Variants in EMILIN2 observed in about 807,000 individuals in gnomAD.
EMILIN2 encodes the protein EMILIN-2.
Under a neutral mutation model 87.1 loss-of-function variants are expected in EMILIN2, and 71 were observed. The ratio of observed to expected loss-of-function variants is 0.82; its 90% CI spans 0.67 to 0.99. The LOEUF (loss-of-function observed/expected upper bound fraction) is 0.99, where lower values mean the gene tolerates loss of function less well. Among genes scored for constraint, EMILIN2 ranks in the 50% least tolerant of loss-of-function variants. The probability of loss-of-function intolerance (pLI) is 0.00; values close to 1 mark genes in which losing one functional copy is unlikely to be tolerated. For missense variants in EMILIN2, 1,407 were observed against 1,371.8 expected, an observed-to-expected ratio of 1.03 and a Z score of -0.40; for synonymous variants, 581 against 563.4, an observed-to-expected ratio of 1.03 and a Z score of -0.44.
chr18:2,858,856 G>C (rs4798036), intron 2 of EMILIN2, among the ~76,000 whole-genome samples: 1 of 151,056 alleles, frequency 6.6e-6, no homozygotes, highest in South Asian at 2.1e-4. Context: ...GGCTGGTCTC[G>C]AACTCCTGAC....
chr18:2,888,714 C>CAA (rs530260960), intron 3 of EMILIN2, among the ~76,000 whole-genome samples: 11,525 of 80,780 alleles, frequency 0.14, 531 homozygotes, highest in South Asian at 0.29. Context: ...GATTCTGTCT[C>CAA]AAAAAAAAAA....
Position 2,906,900 on chromosome 18 carries a change from T to A in EMILIN2, c.2477T>A (p.Leu826Gln). The A allele has an allele frequency of 7.2e-7, 1 of 1,393,020 alleles. No individual in the cohort carries two copies. Among genetic ancestry groups the A allele is most frequent in the Non-Finnish European group, 9.3e-7 (1 of 1,071,366 alleles). 86.3% of individuals were successfully genotyped at this position (1,393,020 alleles called of 1,614,324 possible). A position where few individuals can be genotyped will look rare whatever the true frequency, so the allele number is the denominator to read the frequency against. ...GAGGACCCTGGGCGACGGCCCGTCC[T>A]GCCCCAGCGGCCCCCCGAGGAGAGG... ...TAEDPGRRPV[L>Q]PQRPPEERPP... Residue 826 changes from leucine (L) to glutamine (Q), a missense_variant, in exon 5 of 8, where the codon CTG (leucine) becomes CAG (glutamine). By Grantham distance (113) the Leu-to-Gln change is moderately radical (BLOSUM62 -2). Transcript: ENST00000254528.
intron 2 of EMILIN2, among the ~76,000 whole-genome samples, chr18:2,879,468 G>A (rs1473164682): frequency 6.6e-6 from 1 of 152,088 alleles, no homozygotes; most frequent in Non-Finnish European, 1.5e-5. Flanking sequence ...AGACCAGCCT[G>A]ACCAACATGG....
chr18:2,906,770 C>T lies in EMILIN2; in HGVS notation c.2360-13C>T, dbSNP rs1166217065. On this transcript the variant is annotated splice_polypyrimidine_tract_variant and intron_variant, in intron 4 of 7. Transcript: ENST00000254528. ...CTAATCCCGTGTGTTTCTTTCTCCC[C>T]GACGCCCGGCAGAGGCGCCCTCGCC... 1.6e-6 allele frequency: 2 copies of T among 1,255,390 alleles called. No homozygotes were observed. The highest frequency in any genetic ancestry group is 3.3e-5 in the East Asian group (1 of 30,316). 77.8% of individuals were successfully genotyped at this position (1,255,390 alleles called of 1,614,324 possible). A position where few individuals can be genotyped will look rare whatever the true frequency, so the allele number is the denominator to read the frequency against.
intron 4 of EMILIN2, among the ~76,000 whole-genome samples, chr18:2,904,575 T>C (rs2076901226): frequency 6.6e-6 from 1 of 152,260 alleles, no homozygotes; most frequent in Non-Finnish European, 1.5e-5. Context: ...GCCTTTTTAA[T>C]CAGCAAAGGC....
chr18:2,891,031 C>G lies in EMILIN2; in HGVS notation c.904C>G (p.Gln302Glu), dbSNP rs1209334907. The change falls in exon 4 of 8, where the codon CAG becomes GAG. Residue 302 changes from glutamine (Q) to glutamate (E), a missense_variant. Transcript: ENST00000254528. This position sits in a 1 kb window ranked among gnomAD's most constrained non-coding sequence, Gnocchi z 4.6. ...GCTCAGACAGCTCCAGGAAGCAGCTCAGGGCCCGACGGTGACCATGACAAC... is the reference window on the plus strand; with the variant it reads ...GCTCAGACAGCTCCAGGAAGCAGCTGAGGGCCCGACGGTGACCATGACAAC... ...GQLRQLQEAA[Q>E]GPTVTMTTNE... The G allele has an allele frequency of 6.2e-7, 1 of 1,614,216 alleles. No individual in the cohort carries two copies. Among genetic ancestry groups the G allele is most frequent in the Non-Finnish European group, 8.5e-7 (1 of 1,180,040 alleles).
rs573248622 is a variant in EMILIN2 at position 2,890,441 on chromosome 18, G to C, written c.434-120G>C. 3 of 1,212,182 alleles carry C rather than the reference G, an allele frequency of 2.5e-6. No homozygotes were observed. The highest frequency in any genetic ancestry group is 3.4e-6 in the Non-Finnish European group (3 of 873,530). The allele number at this position is 1,212,182 out of a possible 1,614,324, so 75.1% of individuals were successfully genotyped here. ...TGTACCACAGTACTTACCTACAATTGTGTAGTGACCTGTAAGTGAAGATGT... is the reference window on the plus strand; with the variant it reads ...TGTACCACAGTACTTACCTACAATTCTGTAGTGACCTGTAAGTGAAGATGT... On this transcript the variant is annotated intron_variant, in intron 3 of 7. Transcript: ENST00000254528. The surrounding 1 kb of genome is among the most constrained non-coding windows in gnomAD (Gnocchi z 4.7).
chr18:2,909,134 C>T (rs558769627), intron 6 of EMILIN2, among the ~76,000 whole-genome samples, 159 bp downstream of exon 6: 1 of 152,260 alleles, frequency 6.6e-6, no homozygotes, highest in African/African-American at 2.4e-5. Flanking sequence ...CCTCTGCTGA[C>T]TATAGTGGAC....
chr18:2,903,381 T>A (rs2076896778), intron 4 of EMILIN2, among the ~76,000 whole-genome samples: 1 of 152,158 alleles, frequency 6.6e-6, no homozygotes, highest in Non-Finnish European at 1.5e-5. Context: ...AAAATAACAC[T>A]AAGAAGCTCA....
chr18:2,893,580 C>T (rs1206420491), intron 4 of EMILIN2, among the ~76,000 whole-genome samples: 2 of 152,124 alleles, frequency 1.3e-5, no homozygotes, highest in Admixed American at 6.5e-5. Context: ...GGGTGCTAAA[C>T]GCAGCCTTCT....
At position 2,848,604 on chromosome 18, in the gene EMILIN2, A is replaced by C. The variant is rs1205095400; in HGVS notation, c.257+673A>C. Among the ~76,000 whole-genome samples, 5 of 152,026 alleles carry C rather than the reference A, an allele frequency of 3.3e-5. No individual in the cohort carries two copies. Among genetic ancestry groups the C allele is most frequent in the South Asian group, 2.1e-4 (1 of 4,796 alleles). On this transcript the variant is annotated intron_variant, in intron 2 of 7. Coordinates refer to ENST00000254528, the MANE Select transcript of EMILIN2 (RefSeq NM_032048.3). The surrounding 1 kb of genome is among the most constrained non-coding windows in gnomAD (Gnocchi z 4.1). ...AGATTTCCCCATCTTAAAAAAAAAA[A>C]AAAACAGGAAGCAATGCAATAAAGT...
At chr18:2,883,499 G>A (rs2076787646) in intron 2 of EMILIN2, among the ~76,000 whole-genome samples, 1 of 152,206 alleles carries the variant, frequency 6.6e-6, no homozygotes, top group South Asian at 2.1e-4. Context: ...GAGATGATTT[G>A]CAAGGCAGGA....
chr18:2,912,979 C>A, intron 7 of EMILIN2, 88 bp from the exon 8 acceptor site: 3 of 1,399,358 alleles, frequency 2.1e-6, no homozygotes, highest in Non-Finnish European at 2.0e-6. Flanking sequence ...TCTCCCAGGC[C>A]CAGGTTAATC....
Position 2,913,184 on chromosome 18 carries a change from A to G in EMILIN2, c.2942A>G (p.His981Arg). 1 of 1,613,756 alleles carries G rather than the reference A, an allele frequency of 6.2e-7. No individual in the cohort carries two copies. Among genetic ancestry groups the G allele is most frequent in the Non-Finnish European group, 8.5e-7 (1 of 1,179,960 alleles). The change falls in exon 8 of 8, where the codon CAT becomes CGT. Residue 981 changes from histidine to arginine, a missense_variant. Coordinates refer to ENST00000254528, the MANE Select transcript of EMILIN2 (RefSeq NM_032048.3). The stretch of plus-strand genomic sequence containing the variant: ...TCCAACGCCAGCGTGGCCCAGCTGC[A>G]TACCGCTGGGTACAGGAGAGAGTTC... ...SVSNASVAQLHTAGYRREFLE... is the reference protein window; with the variant it reads ...SVSNASVAQLRTAGYRREFLE...
At chr18:2,911,155 C>G (rs541435617) in intron 7 of EMILIN2, among the ~76,000 whole-genome samples, 29 of 152,358 alleles carry the variant, frequency 1.9e-4, no homozygotes, top group African/African-American at 5.5e-4. Flanking sequence ...AAGTGGGCGA[C>G]TTGAGAGATT....
chr18:2,888,543 A>T (rs1011190492), intron 3 of EMILIN2, among the ~76,000 whole-genome samples: 2 of 151,962 alleles, frequency 1.3e-5, no homozygotes, highest in Non-Finnish European at 2.9e-5. Context: ...GTGAAACCCC[A>T]TCTCTACCAA....
In EMILIN2 at chr18:2,913,634, A is replaced by ATTTTTTTTTT; in HGVS notation, c.*230_*231insTTTTTTTTTT. On this transcript the variant is annotated 3_prime_UTR_variant, in exon 8 of 8. Transcript: ENST00000254528. ...CTGACTTTTCTGCCACTCTAACTGG[A>ATTTTTTTTTT]CAACTGGAAGACTTGGAAAGGCCTC... 3 of 501,168 alleles carry ATTTTTTTTTT rather than the reference A, an allele frequency of 6.0e-6. No homozygotes were observed. The highest frequency in any genetic ancestry group is 2.0e-5 in the African/African-American group (1 of 50,702). The allele number at this position is 501,168 out of a possible 1,614,324, so 31.0% of individuals were successfully genotyped here.
chr18:2,855,158 C>T (rs886186003), intron 2 of EMILIN2, among the ~76,000 whole-genome samples: 6 of 152,204 alleles, frequency 3.9e-5, no homozygotes, highest in Admixed American at 2.6e-4. Context: ...TTTGGGTTTC[C>T]ATTCCTTATG....
At chr18:2,895,976 C>T (rs2076861521) in intron 4 of EMILIN2, among the ~76,000 whole-genome samples, 1 of 152,158 alleles carries the variant, frequency 6.6e-6, no homozygotes, top group African/African-American at 2.4e-5. Context: ...TCTACTCAGC[C>T]TGTTGCCCTC....
Sources: gnomAD v4.1 joint callset for allele counts (sites outside exome capture counted in the v4.1 genomes callset) on GRCh38, gnomAD v4.1.1 for gene constraint, Gnocchi (gnomAD v3.1) non-coding constraint, MANE v1.5 for transcripts, NCBI Gene and HGNC (gene_info 2026-07-23, HGNC 2026-07-21) for gene names.